The following COG5 variants were observed in gnomAD, a reference collection of about 807,000 sequenced individuals.
COG5 encodes conserved oligomeric Golgi complex subunit 5.
A neutral mutation model predicts 110.4 loss-of-function variants in COG5; 86 were observed. The observed-to-expected ratio is 0.78, with a 90% confidence interval of 0.65 to 0.93. The LOEUF (loss-of-function observed/expected upper bound fraction) is 0.93. Among genes scored for constraint, COG5 ranks in the 40% least tolerant of loss-of-function variants. COG5 has a pLI of 0.00. For synonymous variants in COG5, 360 were observed against 334.6 expected (o/e 1.08, Z -0.83); for missense variants, 1,077 against 987.0 (o/e 1.09, Z -1.22).
chr7:107,367,857 T>TA (rs947947702), intron 8 of COG5, among the ~76,000 whole-genome samples: 1 of 151,930 alleles, frequency 6.6e-6, no homozygotes, highest in African/African-American at 2.4e-5. Context: ...GACCATCCAC[T>TA]AAAATCTTAG....
At chr7:107,375,624 C>T (rs1046880501) in intron 7 of COG5, among the ~76,000 whole-genome samples, 1 of 151,934 alleles carries the variant, frequency 6.6e-6, no homozygotes, top group African/African-American at 2.4e-5. Flanking sequence ...ATGGTAATTA[C>T]CCATTTGGAT....
chr7:107,384,047 C>A (rs1815355280), intron 7 of COG5, among the ~76,000 whole-genome samples: 1 of 152,178 alleles, frequency 6.6e-6, no homozygotes. Context: ...CTGAGCTGTC[C>A]TTACCCCTCC....
rs1412571531 is a variant in COG5 at position 107,202,695 on chromosome 7, G to GTGGA, written c.*817_*820dup. On this transcript the variant is annotated 3_prime_UTR_variant, in exon 22 of 22. Coordinates refer to ENST00000297135, the MANE Select transcript of COG5 (RefSeq NM_006348.5). ...TTAAAAATTAAAAACAATGTTAATA[G>GTGGA]TGGAACAAGAGCCATCAGAAAATAA... is the stretch of plus-strand genomic sequence containing the variant. The GTGGA allele has an allele frequency of 1.3e-5, 2 of 152,090 alleles. No homozygotes were observed. The highest frequency in any genetic ancestry group is 4.8e-5 in the African/African-American group (2 of 41,412). 9.4% of individuals were successfully genotyped at this position (152,090 alleles called of 1,614,324 possible). A position where few individuals can be genotyped will look rare whatever the true frequency, so the allele number is the denominator to read the frequency against.
chr7:107,299,282 G>C (rs966366924), intron 11 of COG5, among the ~76,000 whole-genome samples: 54 of 152,184 alleles, frequency 3.5e-4, no homozygotes, highest in African/African-American at 1.3e-3. Context: ...CTTCTAGCCA[G>C]ATGGATTAGG....
chr7:107,453,088 T>C (rs1183793941), intron 6 of COG5, among the ~76,000 whole-genome samples: 1 of 152,212 alleles, frequency 6.6e-6, no homozygotes, highest in African/African-American at 2.4e-5. Flanking sequence ...TAGCACCTTA[T>C]ACCGTTTTGG....
At chr7:107,328,753 G>A (rs113211438) in intron 10 of COG5, among the ~76,000 whole-genome samples, 24,419 of 152,058 alleles carry the variant, frequency 0.16, 2,354 homozygotes, top group Non-Finnish European at 0.22. Context: ...AACAATAGTA[G>A]AAATATTTTT....
chr7:107,285,868 A>AT (rs1805585627), intron 12 of COG5, among the ~76,000 whole-genome samples: 2 of 151,738 alleles, frequency 1.3e-5, no homozygotes, highest in Admixed American at 1.3e-4. Context: ...CTGTCAAGAA[A>AT]AAAAAAAAAA....
At chr7:107,510,264 C>A (rs923645491) in intron 6 of COG5, among the ~76,000 whole-genome samples, 46 of 152,112 alleles carry the variant, frequency 3.0e-4, no homozygotes, top group African/African-American at 9.4e-4. Context: ...TCTGATAAAA[C>A]AGACTTTAAA....
chr7:107,294,576 T>G (rs908527502), intron 12 of COG5, among the ~76,000 whole-genome samples: 3 of 152,222 alleles, frequency 2.0e-5, no homozygotes, highest in South Asian at 2.1e-4. Context: ...CCTTTACCAT[T>G]GCCTGTAAAG....
chr7:107,385,038 G>T (rs1790085518), intron 7 of COG5, among the ~76,000 whole-genome samples: 1 of 152,198 alleles, frequency 6.6e-6, no homozygotes, highest in South Asian at 2.1e-4. Context: ...CTTTGCACAT[G>T]TAATTAGTTG....
At chr7:107,495,314 C>G (rs1470241720) in intron 6 of COG5, among the ~76,000 whole-genome samples, 2 of 152,042 alleles carry the variant, frequency 1.3e-5, no homozygotes, top group Non-Finnish European at 2.9e-5. Flanking sequence ...CAGGGAAAAC[C>G]ATAAGGTACT....
At chr7:107,256,148 G>A (rs1418355594) in intron 16 of COG5, among the ~76,000 whole-genome samples, 1 of 151,988 alleles carries the variant, frequency 6.6e-6, no homozygotes, top group Non-Finnish European at 1.5e-5. Flanking sequence ...ATAGAAAGGG[G>A]GTATAGTTAT....
intron 21 of COG5, chr7:107,209,347 G>C (rs1798997358): frequency 5.5e-6 from 2 of 361,136 alleles, no homozygotes; most frequent in African/African-American, 4.4e-5. Flanking sequence ...CCAAGACAGG[G>C]AGTATAAGAG....
intron 10 of COG5, among the ~76,000 whole-genome samples, chr7:107,327,180 G>GCTTC (rs1396579647): frequency 1.3e-5 from 2 of 152,078 alleles, no homozygotes; most frequent in Admixed American, 1.3e-4. Flanking sequence ...GGGTGCCAAG[G>GCTTC]CTACACAATA....
At chr7:107,222,822 T>C (rs575902347) in intron 19 of COG5, among the ~76,000 whole-genome samples, 23 of 152,290 alleles carry the variant, frequency 1.5e-4, no homozygotes, top group Admixed American at 4.6e-4. Flanking sequence ...ATTCTAAATA[T>C]AGCAGCACTT....
At chr7:107,323,720 G>A (rs920106196) in intron 11 of COG5, among the ~76,000 whole-genome samples, 1 of 152,160 alleles carries the variant, frequency 6.6e-6, no homozygotes, top group East Asian at 1.9e-4. Flanking sequence ...TCTGGTCAGT[G>A]TAGGGAGGGC....
Position 107,323,592 on chromosome 7 carries a change from A to G in COG5, c.1108+848T>C, listed in dbSNP as rs568799528. Among the ~76,000 whole-genome samples the G allele has an allele frequency of 9.8e-5, 15 of 152,286 alleles. No homozygotes were observed. The South Asian group carries it at 3.1e-3, about 32-fold the overall frequency. On this transcript the variant is annotated intron_variant, in intron 11 of 21. Coordinates refer to ENST00000297135, the MANE Select transcript of COG5 (RefSeq NM_006348.5). ...CTAAATGGAGTAAATGGATCCTAAT[A>G]TCCCATTAGGTTAAGTTCTGTTTAG... is the stretch of plus-strand genomic sequence containing the variant.
chr7:107,345,207 A>C (rs1443457468), intron 10 of COG5, among the ~76,000 whole-genome samples: 1 of 152,174 alleles, frequency 6.6e-6, no homozygotes, highest in Non-Finnish European at 1.5e-5. Context: ...GGGGGCGTTC[A>C]TGGTGCCCCA....
At chr7:107,380,784 AG>A (rs1815051883) in intron 7 of COG5, among the ~76,000 whole-genome samples, 1 of 152,184 alleles carries the variant, frequency 6.6e-6, no homozygotes, top group South Asian at 2.1e-4. Context: ...ATAGGAAAAG[AG>A]GGATTCCTCC....
Sources: allele counts gnomAD v4.1 joint callset (sites outside exome capture counted in the v4.1 genomes callset), GRCh38; gene constraint gnomAD v4.1.1; transcripts MANE v1.5; gene names NCBI Gene and HGNC (gene_info 2026-07-23, HGNC 2026-07-21).